FOXL2NB: variants seen among roughly 807,000 people sequenced by gnomAD.
FOXL2NB encodes the protein FOXL2 neighbor, also known as FOXL2 neighbor protein.
FOXL2NB carries 10 observed loss-of-function variants against 7.4 expected under a neutral mutation model. The ratio of observed to expected loss-of-function variants is 1.34; its 90% CI spans 0.83 to 2.28. The LOEUF is 2.28. Among genes scored for constraint, FOXL2NB ranks in the 30% most tolerant of loss-of-function variants. The pLI is 0.00. For missense variants in FOXL2NB, 228 were observed against 233.9 expected, an observed-to-expected ratio of 0.97 and a Z score of 0.17; for synonymous variants, 104 against 105.3, an observed-to-expected ratio of 0.99 and a Z score of 0.08.
In FOXL2NB at chr3:138,949,752, A is replaced by G; in HGVS notation, c.220+113A>G. 6.7e-7 allele frequency: 1 copy of G among 1,487,514 alleles called. No individual in the cohort carries two copies. Among genetic ancestry groups the G allele is most frequent in the Non-Finnish European group, 9.3e-7 (1 of 1,076,622 alleles). The allele number at this position is 1,487,514 out of a possible 1,614,324, so 92.1% of individuals were successfully genotyped here. A position where few individuals can be genotyped will look rare whatever the true frequency, so the allele number is the denominator to read the frequency against. ...GGAGATAGAGGAATCTAGGGAGAGAACAGAATCCTCTCCTTGCCGGCCCAG... is the reference window on the plus strand; with the variant it reads ...GGAGATAGAGGAATCTAGGGAGAGAGCAGAATCCTCTCCTTGCCGGCCCAG... On this transcript the variant is annotated intron_variant, in intron 2 of 2. Coordinates refer to ENST00000383165, the MANE Select transcript of FOXL2NB (RefSeq NM_001040061.3). This position sits in a 1 kb window ranked among gnomAD's most constrained non-coding sequence, Gnocchi z 4.5.
At chr3:138,948,701 A>G (rs1345139918) in intron 1 of FOXL2NB, among the ~76,000 whole-genome samples, 1 of 152,198 alleles carries the variant, frequency 6.6e-6, no homozygotes, top group Non-Finnish European at 1.5e-5. Flanking sequence ...AGGAGCCTTC[A>G]GCGGCCTGTG....
chr3:138,947,989 G>A lies in FOXL2NB; in HGVS notation c.100+525G>A. 8 of 986,098 alleles carry A rather than the reference G, an allele frequency of 8.1e-6. No homozygotes were observed. The highest frequency in any genetic ancestry group is 8.4e-6 in the Non-Finnish European group (7 of 830,446). The allele number at this position is 986,098 out of a possible 1,614,324, so 61.1% of individuals were successfully genotyped here. ...GATGGGTGAGATACCAGGTGCATGT[G>A]TGCTGCTCAGAAACACAGGTATGCA... On this transcript the variant is annotated intron_variant, in intron 1 of 2. Coordinates refer to ENST00000383165, the MANE Select transcript of FOXL2NB (RefSeq NM_001040061.3). This position sits in a 1 kb window ranked among gnomAD's most constrained non-coding sequence, Gnocchi z 5.2.
At position 138,947,276 on chromosome 3, in the gene FOXL2NB, C is replaced by A. The variant is rs570070730; in HGVS notation, c.-89C>A. On this transcript the variant is annotated 5_prime_UTR_variant, in exon 1 of 3. Transcript: ENST00000383165. This position sits in a 1 kb window ranked among gnomAD's most constrained non-coding sequence, Gnocchi z 5.2. ...CGCACAGCCTGGACCGGCCTGCCCC[C>A]GCCCAGCGAGCCTCAGGGGCCCAGC... 13 of 1,054,960 alleles carry A rather than the reference C, an allele frequency of 1.2e-5. No homozygotes were observed. The highest frequency in any genetic ancestry group is 1.8e-5 in the Non-Finnish European group (13 of 721,002). The allele number at this position is 1,054,960 out of a possible 1,614,324, so 65.3% of individuals were successfully genotyped here. A position where few individuals can be genotyped will look rare whatever the true frequency, so the allele number is the denominator to read the frequency against.
rs1197485431 is a variant in FOXL2NB, at chr3:138,951,456, C to T, written c.*884C>T. 1 of 152,188 alleles carries T rather than the reference C, an allele frequency of 6.6e-6. No individual in the cohort carries two copies. 9.4% of individuals were successfully genotyped at this position (152,188 alleles called of 1,614,324 possible). On this transcript the variant is annotated 3_prime_UTR_variant, in exon 3 of 3. Coordinates refer to ENST00000383165, the MANE Select transcript of FOXL2NB (RefSeq NM_001040061.3). ...ATGTTGGGGTATGAGTCCTCCAACA[C>T]CATTTTGTCCCAAGGAGTATGTGCC... is the stretch of plus-strand genomic sequence containing the variant.
At position 138,947,257 on chromosome 3, in the gene FOXL2NB, G is replaced by T; in HGVS notation, c.-108G>T. Reference sequence around the variant, plus strand: ...TCACTTTTTGTAAACGCCCCGCACAGCCTGGACCGGCCTGCCCCCGCCCAG... The same window carrying T: ...TCACTTTTTGTAAACGCCCCGCACATCCTGGACCGGCCTGCCCCCGCCCAG... On this transcript the variant is annotated 5_prime_UTR_variant, in exon 1 of 3. Transcript: ENST00000383165. The surrounding 1 kb of genome is among the most constrained non-coding windows in gnomAD (Gnocchi z 5.2). 1.1e-6 allele frequency: 1 copy of T among 869,750 alleles called. No homozygotes were observed. The allele number at this position is 869,750 out of a possible 1,614,324, so 53.9% of individuals were successfully genotyped here.
At position 138,949,979 on chromosome 3, in the gene FOXL2NB, C is replaced by A. The variant is rs1936087660; in HGVS notation, c.221-286C>A. The A allele has an allele frequency of 2.9e-6, 2 of 697,852 alleles. No individual in the cohort carries two copies. The highest frequency in any genetic ancestry group is 3.0e-5 in the South Asian group (2 of 66,758). 43.2% of individuals were successfully genotyped at this position (697,852 alleles called of 1,614,324 possible). A position where few individuals can be genotyped will look rare whatever the true frequency, so the allele number is the denominator to read the frequency against. ...CGACGCAGGGCCCCCGGCTTAGTGA[C>A]CTTGGGGCGGCGCTCACCTCCAAAG... On this transcript the variant is annotated intron_variant, in intron 2 of 2. Coordinates refer to ENST00000383165, the MANE Select transcript of FOXL2NB (RefSeq NM_001040061.3). The surrounding 1 kb of genome is among the most constrained non-coding windows in gnomAD (Gnocchi z 4.5).
At position 138,947,890 on chromosome 3, in the gene FOXL2NB, C is replaced by T. The variant is rs1936023019; in HGVS notation, c.100+426C>T. 4.0e-6 allele frequency: 4 copies of T among 997,222 alleles called. No homozygotes were observed. The highest frequency in any genetic ancestry group is 8.9e-5 in the South Asian group (2 of 22,570). The allele number at this position is 997,222 out of a possible 1,614,324, so 61.8% of individuals were successfully genotyped here. The stretch of plus-strand genomic sequence containing the variant: ...CACTAACACAGGCGGGGCTGTTGCC[C>T]GGGACTTTGCGGGACTGTGTATGTG... On this transcript the variant is annotated intron_variant, in intron 1 of 2. Coordinates refer to ENST00000383165, the MANE Select transcript of FOXL2NB (RefSeq NM_001040061.3). This position sits in a 1 kb window ranked among gnomAD's most constrained non-coding sequence, Gnocchi z 5.2.
At chr3:138,948,081 G>A in intron 1 of FOXL2NB, 1 of 652,732 alleles carries the variant, frequency 1.5e-6, no homozygotes, top group Non-Finnish European at 1.9e-6. Flanking sequence ...TATGTAATAT[G>A]TTCATCAAGT....
chr3:138,950,111 C>G, intron 2 of FOXL2NB, 154 bp from the exon 3 acceptor site: 1 of 851,214 alleles, frequency 1.2e-6, no homozygotes. Context: ...GTGGTCCCAC[C>G]GTAGCGCCGC....
Position 138,950,613 on chromosome 3 carries a change from T to G in FOXL2NB, c.*41T>G. ...TCCACGCCTCAACAACTGTCAGCAC[T>G]CACTCCCTCCCGGCCCCTCACAGGG... On this transcript the variant is annotated 3_prime_UTR_variant, in exon 3 of 3. Coordinates refer to ENST00000383165, the MANE Select transcript of FOXL2NB (RefSeq NM_001040061.3). The G allele has an allele frequency of 6.2e-7, 1 of 1,605,234 alleles. No homozygotes were observed. Among genetic ancestry groups the G allele is most frequent in the Non-Finnish European group, 8.5e-7 (1 of 1,176,674 alleles).
At chr3:138,948,003 C>T (rs1936025546) in intron 1 of FOXL2NB, 4 of 985,172 alleles carry the variant, frequency 4.1e-6, no homozygotes, top group Non-Finnish European at 4.8e-6. Flanking sequence ...TGCTCAGAAA[C>T]ACAGGTATGC....
Position 138,952,999 on chromosome 3 carries a change from C to CG in FOXL2NB, c.*2427_*2428insG, listed in dbSNP as rs1334763739. 14 of 148,594 alleles carry CG rather than the reference C, an allele frequency of 9.4e-5. No individual in the cohort carries two copies. The highest frequency in any genetic ancestry group is 9.4e-4 in the Admixed American group (14 of 14,880). 9.2% of individuals were successfully genotyped at this position (148,594 alleles called of 1,614,324 possible). A position where few individuals can be genotyped will look rare whatever the true frequency, so the allele number is the denominator to read the frequency against. ...CTCATCCCCCTCCTACGCTTCCCCC[C>CG]CCGAGTCCCCATTATATAATTCTTT... On this transcript the variant is annotated 3_prime_UTR_variant, in exon 3 of 3. Coordinates refer to ENST00000383165, the MANE Select transcript of FOXL2NB (RefSeq NM_001040061.3).
In FOXL2NB at chr3:138,947,588, C is replaced by T; in HGVS notation, c.100+124C>T. ...ACGGGGTAGGGTGGGGAGAGCTGCT[C>T]TGAGGCTTTGGGAAAGTCAGCCCAG... is the stretch of plus-strand genomic sequence containing the variant. On this transcript the variant is annotated intron_variant, in intron 1 of 2. Transcript: ENST00000383165. This position sits in a 1 kb window ranked among gnomAD's most constrained non-coding sequence, Gnocchi z 5.2. 7.0e-7 allele frequency: 1 copy of T among 1,429,148 alleles called. No homozygotes were observed. The highest frequency in any genetic ancestry group is 9.2e-7 in the Non-Finnish European group (1 of 1,089,614). The allele number at this position is 1,429,148 out of a possible 1,614,324, so 88.5% of individuals were successfully genotyped here. A position where few individuals can be genotyped will look rare whatever the true frequency, so the allele number is the denominator to read the frequency against.
Position 138,953,840 on chromosome 3 carries a change from A to G in FOXL2NB, c.*3268A>G, listed in dbSNP as rs951856135. Among the ~76,000 whole-genome samples the G allele has an allele frequency of 1.3e-5, 2 of 152,178 alleles. No individual in the cohort carries two copies. The highest frequency in any genetic ancestry group is 1.3e-4 in the Admixed American group (2 of 15,272). ...AGTTTTTTCTGTGCAACATATTTTT[A>G]ATATTCACTGGTCTTGTTGCATGTG... is the stretch of plus-strand genomic sequence containing the variant. On this transcript the variant is annotated 3_prime_UTR_variant, in exon 3 of 3. Coordinates refer to ENST00000383165, the MANE Select transcript of FOXL2NB (RefSeq NM_001040061.3).
chr3:138,950,859 C>G lies in FOXL2NB; in HGVS notation c.*287C>G. The G allele has an allele frequency of 2.3e-6, 1 of 439,870 alleles. No individual in the cohort carries two copies. Among genetic ancestry groups the G allele is most frequent in the Non-Finnish European group, 4.0e-6 (1 of 249,278 alleles). 27.2% of individuals were successfully genotyped at this position (439,870 alleles called of 1,614,324 possible). ...TGTGCAGACCCTAAGGCTTTTCACA[C>G]GCTGCTCACTTTCGCATCTCACGGT... On this transcript the variant is annotated 3_prime_UTR_variant, in exon 3 of 3. Coordinates refer to ENST00000383165, the MANE Select transcript of FOXL2NB (RefSeq NM_001040061.3).
In FOXL2NB at chr3:138,947,296, C is replaced by A; in HGVS notation, c.-69C>A. The stretch of plus-strand genomic sequence containing the variant: ...GCCCCCGCCCAGCGAGCCTCAGGGG[C>A]CCAGCCGACAGCCAGGCTCACGCGC... On this transcript the variant is annotated 5_prime_UTR_variant, in exon 1 of 3. Transcript: ENST00000383165. The surrounding 1 kb of genome is among the most constrained non-coding windows in gnomAD (Gnocchi z 5.2). 2 of 1,299,164 alleles carry A rather than the reference C, an allele frequency of 1.5e-6. No individual in the cohort carries two copies. Among genetic ancestry groups the A allele is most frequent in the Non-Finnish European group, 2.1e-6 (2 of 934,872 alleles). 80.5% of individuals were successfully genotyped at this position (1,299,164 alleles called of 1,614,324 possible). A position where few individuals can be genotyped will look rare whatever the true frequency, so the allele number is the denominator to read the frequency against.
At chr3:138,948,457 C>G (rs1232513184) in intron 1 of FOXL2NB, among the ~76,000 whole-genome samples, 2 of 152,194 alleles carry the variant, frequency 1.3e-5, no homozygotes, top group Non-Finnish European at 2.9e-5. Context: ...TTGGCCTAAA[C>G]AAAAAGTCTG....
chr3:138,947,222 C>A lies in FOXL2NB; in HGVS notation c.-143C>A. ...GCGGCCAGCCGCGCACGGGCGAGTT[C>A]ATCTCCAAGTCACTTTTTGTAAACG... is the stretch of plus-strand genomic sequence containing the variant. On this transcript the variant is annotated 5_prime_UTR_variant, in exon 1 of 3. Transcript: ENST00000383165. This position sits in a 1 kb window ranked among gnomAD's most constrained non-coding sequence, Gnocchi z 5.2. The A allele has an allele frequency of 3.0e-6, 2 of 663,942 alleles. No homozygotes were observed. Among genetic ancestry groups the A allele is most frequent in the Non-Finnish European group, 5.0e-6 (2 of 397,918 alleles). The allele number at this position is 663,942 out of a possible 1,614,324, so 41.1% of individuals were successfully genotyped here.
Position 138,950,626 on chromosome 3 carries a change from G to T in FOXL2NB, c.*54G>T. 6.3e-7 allele frequency: 1 copy of T among 1,594,320 alleles called. No individual in the cohort carries two copies. The highest frequency in any genetic ancestry group is 2.2e-5 in the East Asian group (1 of 44,606). On this transcript the variant is annotated 3_prime_UTR_variant, in exon 3 of 3. Coordinates refer to ENST00000383165, the MANE Select transcript of FOXL2NB (RefSeq NM_001040061.3). ...AACTGTCAGCACTCACTCCCTCCCG[G>T]CCCCTCACAGGGCCCTTTGCACCCA... is the stretch of plus-strand genomic sequence containing the variant.
Sources: allele counts gnomAD v4.1 joint callset (sites outside exome capture counted in the v4.1 genomes callset), GRCh38; gene constraint gnomAD v4.1.1; non-coding constraint Gnocchi (gnomAD v3.1); transcripts MANE v1.5; gene names NCBI Gene and HGNC (gene_info 2026-07-23, HGNC 2026-07-21).